Variants in SCN4A observed in about 807,000 individuals in gnomAD.
SCN4A encodes sodium channel protein type 4 subunit alpha.
SCN4A carries 83 observed loss-of-function variants against 162.0 expected under a neutral mutation model. The observed-to-expected ratio is 0.51, with a 90% CI of 0.43 to 0.61. The LOEUF is 0.61. Ranked by LOEUF, SCN4A falls within the 20% of genes least tolerant of loss-of-function variation. The probability of loss-of-function intolerance (pLI) is 0.00; values close to 1 mark genes in which losing one functional copy is unlikely to be tolerated. For synonymous variants in SCN4A, 944 were observed against 985.1 expected, an observed-to-expected ratio of 0.96 and a Z score of 0.78; for missense variants, 2,196 against 2,462.5, an observed-to-expected ratio of 0.89 and a Z score of 2.29.
intron 10 of SCN4A, among the ~76,000 whole-genome samples, chr17:63,962,387 C>T (rs1267426773): frequency 6.6e-6 from 1 of 152,212 alleles, no homozygotes; most frequent in Non-Finnish European, 1.5e-5. Context: ...TTCTTGCCAC[C>T]CCAAAGCCAC....
chr17:63,943,064 C>G lies in SCN4A; in HGVS notation c.4050G>C (p.Val1350=). The part of the protein sequence containing the change: ...NKIQGMVYDL[V]TKQAFDITIM... ...TGGTGATGTCGAAGGCCTGCTTCGT[C>G]ACGAGGTCATACACCATGCCCTGGA... The change falls in exon 23 of 24, where the codon GTG becomes GTC. Residue 1350 remains valine, a synonymous_variant. Coordinates refer to ENST00000435607, the MANE Select transcript of SCN4A (RefSeq NM_000334.4). 6.2e-7 allele frequency: 1 copy of G among 1,613,790 alleles called. No individual in the cohort carries two copies. Among genetic ancestry groups the G allele is most frequent in the Non-Finnish European group, 8.5e-7 (1 of 1,179,730 alleles).
intron 13 of SCN4A, among the ~76,000 whole-genome samples, chr17:63,953,516 G>A (rs1313635391): frequency 6.7e-6 from 1 of 149,326 alleles, no homozygotes; most frequent in Non-Finnish European, 1.5e-5. Flanking sequence ...GTGAAACCAT[G>A]TACTAAAAAT....
intron 22 of SCN4A, among the ~76,000 whole-genome samples, chr17:63,943,428 T>C (rs1598405891): frequency 1.3e-5 from 2 of 152,162 alleles, no homozygotes; most frequent in Middle Eastern, 3.4e-3. Flanking sequence ...CTCCTTCCAC[T>C]TGTGGGAGCC....
At chr17:63,960,743 C>T (rs955570351) in intron 11 of SCN4A, among the ~76,000 whole-genome samples, 21 of 152,170 alleles carry the variant, frequency 1.4e-4, no homozygotes, top group African/African-American at 4.6e-4. Flanking sequence ...GGGGAGTAAC[C>T]CCTGCAGCCC....
At chr17:63,961,943 C>T (rs959353618) in intron 10 of SCN4A, among the ~76,000 whole-genome samples, 13 of 151,518 alleles carry the variant, frequency 8.6e-5, no homozygotes, top group African/African-American at 3.2e-4. Context: ...ACCCCGCCCA[C>T]ATTCCCAACT....
Position 63,954,920 on chromosome 17 carries a change from A to G in SCN4A, c.2376+2242T>C, listed in dbSNP as rs148912264. ...GATTGCAGGGGCTCCCGTCCCACACACGGGACAGACTCACCTCCCTGAGCC... is the reference window on the plus strand; with the variant it reads ...GATTGCAGGGGCTCCCGTCCCACACGCGGGACAGACTCACCTCCCTGAGCC... On this transcript the variant is annotated intron_variant, in intron 13 of 23. Coordinates refer to ENST00000435607, the MANE Select transcript of SCN4A (RefSeq NM_000334.4). Among the ~76,000 whole-genome samples, 55 of 152,264 alleles carry G rather than the reference A, an allele frequency of 3.6e-4. No individual in the cohort carries two copies. In the East Asian group the frequency reaches 0.01, roughly 28 times the overall value.
intron 4 of SCN4A, 22 bp downstream of exon 4, chr17:63,971,700 A>G: frequency 6.4e-7 from 1 of 1,563,044 alleles, no homozygotes; most frequent in African/African-American, 1.4e-5. Context: ...CAGCCTCAGG[A>G]TGTCCTGGGG....
Position 63,945,303 on chromosome 17 carries a change from C to G in SCN4A, c.3720+57G>C. 9 of 1,408,326 alleles carry G rather than the reference C, an allele frequency of 6.4e-6. No homozygotes were observed. Among genetic ancestry groups the G allele is most frequent in the Non-Finnish European group, 8.9e-6 (9 of 1,011,852 alleles). 87.2% of individuals were successfully genotyped at this position (1,408,326 alleles called of 1,614,324 possible). A position where few individuals can be genotyped will look rare whatever the true frequency, so the allele number is the denominator to read the frequency against. The stretch of plus-strand genomic sequence containing the variant: ...ACTGGGGTTGGGTACAACGAGAGGA[C>G]CGGGGTGGGGGGCACCTCCATCCAG... On this transcript the variant is annotated intron_variant, in intron 19 of 23. Transcript: ENST00000435607. This position sits in a 1 kb window ranked among gnomAD's most constrained non-coding sequence, Gnocchi z 4.4.
At position 63,951,532 on chromosome 17, in the gene SCN4A, G is replaced by C; in HGVS notation, c.2745C>G (p.Ile915Met). Residue 915 changes from isoleucine to methionine, a missense_variant, in exon 14 of 24, where the codon ATC (isoleucine) becomes ATG (methionine). Ile to Met is a conservative substitution (Grantham distance 10). Coordinates refer to ENST00000435607, the MANE Select transcript of SCN4A (RefSeq NM_000334.4). This position sits in a 1 kb window ranked among gnomAD's most constrained non-coding sequence, Gnocchi z 4.5. The stretch of plus-strand genomic sequence containing the variant: ...CCTGTATGGTCAGGTAGGGGTTGTT[G>C]ATGAAGTTAAGGTGGTCCAGCTCGA... ...SSLELDHLNF[I>M]NNPYLTIQVP... 1 of 1,614,000 alleles carries C rather than the reference G, an allele frequency of 6.2e-7. No individual in the cohort carries two copies. The highest frequency in any genetic ancestry group is 8.5e-7 in the Non-Finnish European group (1 of 1,179,886).
chr17:63,947,397 T>C (rs957009145), intron 17 of SCN4A, among the ~76,000 whole-genome samples: 4 of 149,966 alleles, frequency 2.7e-5, no homozygotes, highest in Non-Finnish European at 4.5e-5. Flanking sequence ...TGACTGTGAG[T>C]AGGAGGGATG....
chr17:63,960,391 T>C (rs1909209352), intron 11 of SCN4A, among the ~76,000 whole-genome samples: 1 of 152,214 alleles, frequency 6.6e-6, no homozygotes, highest in African/African-American at 2.4e-5. Flanking sequence ...CCTCGAAGGC[T>C]GGGGAGCCCA....
chr17:63,964,767 G>C, intron 8 of SCN4A, 90 bp from the exon 9 acceptor site: 1 of 1,012,926 alleles, frequency 9.9e-7, no homozygotes, highest in Non-Finnish European at 1.5e-6. Flanking sequence ...TTGCCCGCAT[G>C]GGTAAGCAGA....
chr17:63,960,566 G>A (rs543975015), intron 11 of SCN4A, among the ~76,000 whole-genome samples: 80 of 152,244 alleles, frequency 5.3e-4, no homozygotes, highest in Non-Finnish European at 1.0e-3. Context: ...GGCTGGAGGA[G>A]GAGGCGGCTT....
At chr17:63,956,336 G>A (rs531017589) in intron 13 of SCN4A, among the ~76,000 whole-genome samples, 7 of 152,306 alleles carry the variant, frequency 4.6e-5, no homozygotes, top group African/African-American at 1.7e-4. Context: ...TGAAGTCCAC[G>A]GCTCAAACCA....
rs1206906589 is a variant in SCN4A at position 63,939,571 on chromosome 17, C to G, written c.*1200G>C. ...AATCCAGCGACGCCTGAGCAGGTCT[C>G]TCACCCCTCCTCCTGAGCCAGCAGA... is the stretch of plus-strand genomic sequence containing the variant. On this transcript the variant is annotated 3_prime_UTR_variant, in exon 24 of 24. Transcript: ENST00000435607. 8.2e-6 allele frequency: 1 copy of G among 121,924 alleles called. No homozygotes were observed. The highest frequency in any genetic ancestry group is 7.6e-5 in the African/African-American group (1 of 13,078). The allele number at this position is 121,924 out of a possible 1,614,324, so 7.6% of individuals were successfully genotyped here. A position where few individuals can be genotyped will look rare whatever the true frequency, so the allele number is the denominator to read the frequency against.
At chr17:63,969,888 C>G (rs961105307) in intron 5 of SCN4A, among the ~76,000 whole-genome samples, 1 of 152,140 alleles carries the variant, frequency 6.6e-6, no homozygotes. Context: ...AGTGATTCAC[C>G]TGTCTCGGCC....
intron 22 of SCN4A, 33 bp from the exon 23 acceptor site, chr17:63,943,129 T>C (rs1908599919): frequency 1.3e-6 from 2 of 1,592,028 alleles, no homozygotes; most frequent in South Asian, 1.1e-5. Context: ...TGTGGAGGAG[T>C]TGGGGTGGCC....
chr17:63,959,541 G>A, intron 11 of SCN4A, 103 bp from the exon 12 acceptor site: 6 of 1,081,300 alleles, frequency 5.5e-6, no homozygotes, highest in Non-Finnish European at 8.3e-6. Flanking sequence ...CGGGGGCGGA[G>A]GGGAAGGGGT....
At chr17:63,967,284 C>T (rs1909479123) in intron 6 of SCN4A, among the ~76,000 whole-genome samples, 1 of 151,976 alleles carries the variant, frequency 6.6e-6, no homozygotes. Flanking sequence ...TCTGGAGTAG[C>T]TGGGATTACA....
Sources: allele counts gnomAD v4.1 joint callset (sites outside exome capture counted in the v4.1 genomes callset), GRCh38; gene constraint gnomAD v4.1.1; non-coding constraint Gnocchi (gnomAD v3.1); transcripts MANE v1.5; gene names NCBI Gene and HGNC (gene_info 2026-07-23, HGNC 2026-07-21).